ADCY10: variants seen among roughly 807,000 people sequenced by gnomAD.
ADCY10 encodes adenylate cyclase type 10.
ADCY10 carries 156 observed loss-of-function variants against 183.3 expected under a neutral mutation model. That is an observed-to-expected ratio of 0.85 (90% CI 0.75 to 0.97). ADCY10 has a LOEUF of 0.97. Among genes scored for constraint, ADCY10 ranks in the 50% least tolerant of loss-of-function variants. The pLI is 0.00. For synonymous variants in ADCY10, 645 were observed against 670.0 expected (o/e 0.96, Z 0.58); for missense variants, 1,745 against 1,934.3 (o/e 0.90, Z 1.84).
chr1:167,851,482 T>C (rs1665482491), intron 18 of ADCY10, among the ~76,000 whole-genome samples: 1 of 152,162 alleles, frequency 6.6e-6, no homozygotes, highest in Non-Finnish European at 1.5e-5. Flanking sequence ...CCACTGCACC[T>C]GGCCAACACT....
At chr1:167,895,305 G>T (rs141561390) in intron 7 of ADCY10, among the ~76,000 whole-genome samples, 40 of 152,244 alleles carry the variant, frequency 2.6e-4, no homozygotes, top group African/African-American at 9.6e-4. Context: ...CAAGGAGTGG[G>T]TAATGTCATG....
At chr1:167,867,423 C>G (rs185934227) in intron 14 of ADCY10, among the ~76,000 whole-genome samples, 30 of 152,266 alleles carry the variant, frequency 2.0e-4, no homozygotes, top group African/African-American at 6.7e-4. Context: ...GAGAACTGTT[C>G]CCAGTATATA....
intron 14 of ADCY10, among the ~76,000 whole-genome samples, chr1:167,866,679 A>C (rs1306587493): frequency 6.6e-6 from 1 of 151,974 alleles, no homozygotes; most frequent in Non-Finnish European, 1.5e-5. Flanking sequence ...TAACAGTGTA[A>C]CATGTATTAT....
At position 167,856,460 on chromosome 1, in the gene ADCY10, G is replaced by C. The variant is rs759293406; in HGVS notation, c.1897-21C>G. 5 of 1,613,710 alleles carry C rather than the reference G, an allele frequency of 3.1e-6. No individual in the cohort carries two copies. The East Asian group carries it at 6.7e-5, about 22-fold the overall frequency. ...ACTATCTGGACAAGATGCAGAAAGAGAAAGAGAAACACCATAGGACGTCAG... is the reference window on the plus strand; with the variant it reads ...ACTATCTGGACAAGATGCAGAAAGACAAAGAGAAACACCATAGGACGTCAG... On this transcript the variant is annotated intron_variant, in intron 16 of 32. Coordinates refer to ENST00000367851, the MANE Select transcript of ADCY10 (RefSeq NM_018417.6).
intron 32 of ADCY10, among the ~76,000 whole-genome samples, 163 bp downstream of exon 32, chr1:167,810,562 C>T (rs541702487): frequency 6.6e-6 from 1 of 152,320 alleles, no homozygotes; most frequent in Non-Finnish European, 1.5e-5. Flanking sequence ...TCTTGGACTT[C>T]CAGCTTCCAA....
At position 167,903,953 on chromosome 1, in the gene ADCY10, A is replaced by G. The variant is rs1403779386; in HGVS notation, c.187T>C (p.Tyr63His). 1 of 1,614,086 alleles carries G rather than the reference A, an allele frequency of 6.2e-7. No homozygotes were observed. Among genetic ancestry groups the G allele is most frequent in the East Asian group, 2.2e-5 (1 of 44,884 alleles). The change falls in exon 3 of 33, where the codon TAC (tyrosine) becomes CAC (histidine). Residue 63 changes from tyrosine to histidine, a missense_variant. Transcript: ENST00000367851. The part of the protein sequence containing the change: ...AMTEKFSSAM[Y>H]MDRGAEQLVE... ...AACTGCTCAGCCCCTCTGTCCATGT[A>G]CATGGCACTGCTGAACTTCTCAGTC...
At chr1:167,847,097 T>C (rs1156290349) in intron 19 of ADCY10, among the ~76,000 whole-genome samples, 1 of 151,900 alleles carries the variant, frequency 6.6e-6, no homozygotes, top group Non-Finnish European at 1.5e-5. Flanking sequence ...GGCTAATTTT[T>C]TGTGTTTGTA....
At chr1:167,843,953 C>T (rs1015735921) in intron 21 of ADCY10, among the ~76,000 whole-genome samples, 14 of 151,306 alleles carry the variant, frequency 9.3e-5, no homozygotes, top group South Asian at 2.1e-4. Flanking sequence ...TAGGTCTGGG[C>T]GAAGGATCCA....
At chr1:167,849,899 G>A (rs569873781) in intron 18 of ADCY10, among the ~76,000 whole-genome samples, 3 of 152,244 alleles carry the variant, frequency 2.0e-5, no homozygotes, top group African/African-American at 7.2e-5. Context: ...GGAATGGAGC[G>A]GCCCAGCGTG....
rs756757271 is a variant in ADCY10, at chr1:167,846,196, G to T, written c.2505C>A (p.Ile835=). 2.5e-6 allele frequency: 4 copies of T among 1,614,230 alleles called. No homozygotes were observed. Among genetic ancestry groups the T allele is most frequent in the Non-Finnish European group, 3.4e-6 (4 of 1,180,042 alleles). ...SHQMLVRCAA[I]IGLTFTTELL... ...ACTCAGTGGTGAAGGTCAGGCCAAT[G>T]ATGGCAGCACATCTCACCAGCATTT... The change falls in exon 20 of 33, where the codon ATC becomes ATA. Residue 835 remains isoleucine (I), a synonymous_variant. Transcript: ENST00000367851.
chr1:167,873,369 A>G (rs1667235448), intron 13 of ADCY10, among the ~76,000 whole-genome samples: 2 of 152,152 alleles, frequency 1.3e-5, no homozygotes. Flanking sequence ...CAGTTCTGGA[A>G]CTGTTGCCCT....
At chr1:167,851,942 G>A (rs541599715) in intron 18 of ADCY10, among the ~76,000 whole-genome samples, 7 of 152,172 alleles carry the variant, frequency 4.6e-5, no homozygotes, top group African/African-American at 1.7e-4. Context: ...ATCCAGTCCA[G>A]GATTATGTAT....
At chr1:167,823,771 T>C (rs1397532173) in intron 28 of ADCY10, among the ~76,000 whole-genome samples, 1 of 152,160 alleles carries the variant, frequency 6.6e-6, no homozygotes, top group African/African-American at 2.4e-5. Flanking sequence ...AATCTCAAAT[T>C]GGCTCTTTTT....
chr1:167,903,120 G>T (rs1448174546), intron 3 of ADCY10, among the ~76,000 whole-genome samples: 1 of 151,680 alleles, frequency 6.6e-6, no homozygotes, highest in Non-Finnish European at 1.5e-5. Flanking sequence ...GCTGGGCATG[G>T]TGGCGCACGC....
At chr1:167,876,108 T>C (rs529447288) in intron 12 of ADCY10, among the ~76,000 whole-genome samples, 1 of 152,066 alleles carries the variant, frequency 6.6e-6, no homozygotes, top group East Asian at 1.9e-4. Context: ...AATACAAAAA[T>C]TAGCTGGGCG....
At chr1:167,872,173 T>C (rs113679374) in intron 13 of ADCY10, among the ~76,000 whole-genome samples, 10,043 of 152,162 alleles carry the variant, frequency 0.066, 386 homozygotes, top group South Asian at 0.1. Flanking sequence ...ACCCCGTCTC[T>C]ATTAAAAATA....
rs1011358533 is a variant in ADCY10 at position 167,896,644 on chromosome 1, G to A, written c.690C>T (p.Phe230=). ...AATGCATGAAGGTCGTACACTTTGT[G>A]AAAAATTCATCAAAATTAAAATTGG... ...PPPNFNFDEF[F]TKCTTFMHYY... Residue 230 remains phenylalanine, a synonymous_variant, in exon 7 of 33, where the codon TTC becomes TTT. Transcript: ENST00000367851. The A allele has an allele frequency of 1.2e-6, 2 of 1,613,698 alleles. No individual in the cohort carries two copies. The highest frequency in any genetic ancestry group is 1.7e-6 in the Non-Finnish European group (2 of 1,179,640).
chr1:167,850,196 A>C (rs958183172), intron 18 of ADCY10, among the ~76,000 whole-genome samples: 35 of 152,132 alleles, frequency 2.3e-4, no homozygotes, highest in African/African-American at 8.5e-4. Flanking sequence ...GGATGGATAG[A>C]ACCAGGCAAG....
At chr1:167,892,042 C>T (rs1359344731) in intron 8 of ADCY10, among the ~76,000 whole-genome samples, 2 of 150,942 alleles carry the variant, frequency 1.3e-5, no homozygotes, top group Non-Finnish European at 1.5e-5. Context: ...GGAGCAATCT[C>T]GGCTCACTGC....
Sources: gnomAD v4.1 joint callset for allele counts (sites outside exome capture counted in the v4.1 genomes callset) on GRCh38, gnomAD v4.1.1 for gene constraint, MANE v1.5 for transcripts, NCBI Gene and HGNC (gene_info 2026-07-23, HGNC 2026-07-21) for gene names.